Variants in TMPRSS9 observed in about 807,000 individuals in gnomAD.
TMPRSS9 encodes transmembrane serine protease 9.
Under a neutral mutation model 111.4 loss-of-function variants are expected in TMPRSS9, and 113 were observed. The ratio of observed to expected loss-of-function variants is 1.01; its 90% CI spans 0.87 to 1.19. The LOEUF (loss-of-function observed/expected upper bound fraction) is 1.19, where lower values mean the gene tolerates loss of function less well. Ranked by LOEUF, TMPRSS9 falls within the 50% of genes most tolerant of loss-of-function variation. The pLI is 0.00. For synonymous variants in TMPRSS9, 805 were observed against 659.1 expected (o/e 1.22, Z -3.39); for missense variants, 1,803 against 1,513.1 (o/e 1.19, Z -3.18).
At chr19:2,393,716 G>A (rs1970647431) in intron 1 of TMPRSS9, among the ~76,000 whole-genome samples, 1 of 150,336 alleles carries the variant, frequency 6.7e-6, no homozygotes, top group African/African-American at 2.5e-5. Flanking sequence ...TGGCCAACAT[G>A]GGTGAAACCC....
intron 8 of TMPRSS9, among the ~76,000 whole-genome samples, chr19:2,408,983 C>T (rs1260814066): frequency 2.3e-5 from 2 of 85,422 alleles, no homozygotes; most frequent in Non-Finnish European, 4.8e-5. Context: ...TGGGAGGCTC[C>T]ATCTCAAAAT....
chr19:2,360,441 G>A (rs1211190349), intron 1 of TMPRSS9, among the ~76,000 whole-genome samples, 81 bp downstream of exon 1: 1 of 152,236 alleles, frequency 6.6e-6, no homozygotes, highest in Non-Finnish European at 1.5e-5. Context: ...AAGCCCCGGG[G>A]CTGTTTGGTT....
At chr19:2,393,769 G>A (rs999646587) in intron 1 of TMPRSS9, among the ~76,000 whole-genome samples, 1 of 151,248 alleles carries the variant, frequency 6.6e-6, no homozygotes, top group Non-Finnish European at 1.5e-5. Flanking sequence ...AGACTGGTAC[G>A]CGCCTGTAAT....
At chr19:2,369,678 A>G (rs555871383) in intron 1 of TMPRSS9, among the ~76,000 whole-genome samples, 1 of 146,328 alleles carries the variant, frequency 6.8e-6, no homozygotes, top group East Asian at 2.0e-4. Context: ...GGCTCAAGCG[A>G]TCCTCCTGCC....
chr19:2,395,876 T>C (rs6510665), intron 1 of TMPRSS9, among the ~76,000 whole-genome samples: 61,731 of 151,666 alleles, frequency 0.41, 14,235 homozygotes, highest in East Asian at 0.65. Flanking sequence ...CGCGTGGTCG[T>C]GGGTGCCTGT....
chr19:2,410,292 G>A (rs754224172), exon 9 of TMPRSS9: 3 of 1,614,034 alleles, frequency 1.9e-6, no homozygotes, highest in Non-Finnish European at 2.5e-6. Flanking sequence ...AAGCCACTGT[G>A]GAGCTGCTGG....
At chr19:2,410,692 C>T (rs1971077091) in intron 9 of TMPRSS9, among the ~76,000 whole-genome samples, 1 of 152,082 alleles carries the variant, frequency 6.6e-6, no homozygotes, top group Non-Finnish European at 1.5e-5. Flanking sequence ...CTGCTCCCTT[C>T]CAGTGGGCCC....
chr19:2,424,312 C>G, intron 15 of TMPRSS9, 55 bp downstream of exon 16: 11 of 1,291,714 alleles, frequency 8.5e-6, no homozygotes, highest in South Asian at 3.0e-5. Flanking sequence ...CACCCGGAAC[C>G]GAACTGTTGC....
chr19:2,392,969 G>A (rs1198678389), intron 1 of TMPRSS9, among the ~76,000 whole-genome samples: 3 of 152,174 alleles, frequency 2.0e-5, no homozygotes, highest in Non-Finnish European at 2.9e-5. Context: ...ATTTGTAAAT[G>A]CACCAATCAG....
chr19:2,373,014 G>A (rs2145249026), intron 1 of TMPRSS9, among the ~76,000 whole-genome samples: 1 of 151,740 alleles, frequency 6.6e-6, no homozygotes, highest in South Asian at 2.1e-4. Context: ...TTTATTTTTT[G>A]TGGAGATGGG....
chr19:2,424,339 AC>A, intron 15 of TMPRSS9, 82 bp downstream of exon 16: 1 of 1,249,596 alleles, frequency 8.0e-7, no homozygotes. Context: ...ACGCACCCTG[AC>A]CCCCTCCTTT....
At chr19:2,421,182 G>C (rs924532452) in intron 13 of TMPRSS9, among the ~76,000 whole-genome samples, 17 of 152,014 alleles carry the variant, frequency 1.1e-4, no homozygotes, top group African/African-American at 3.9e-4. Flanking sequence ...CTCTGGCCTG[G>C]GCAACAAGAG....
chr19:2,408,672 G>A (rs766333611), intron 8 of TMPRSS9, 42 bp downstream of exon 9: 82 of 1,584,722 alleles, frequency 5.2e-5, no homozygotes, highest in Non-Finnish European at 6.8e-5. Context: ...CAGGCAGGCA[G>A]GCGGGCAAAT....
chr19:2,369,677 G>A (rs1217684550), intron 1 of TMPRSS9, among the ~76,000 whole-genome samples: 2 of 148,254 alleles, frequency 1.3e-5, no homozygotes, highest in South Asian at 2.1e-4. Flanking sequence ...GGGCTCAAGC[G>A]ATCCTCCTGC....
intron 1 of TMPRSS9, among the ~76,000 whole-genome samples, chr19:2,393,189 T>C (rs924298231): frequency 4.6e-5 from 7 of 152,158 alleles, no homozygotes; most frequent in Non-Finnish European, 8.8e-5. Flanking sequence ...GTAGAGGATT[T>C]GTTTTTTAAT....
intron 4 of TMPRSS9, among the ~76,000 whole-genome samples, chr19:2,401,570 A>C (rs146918247): frequency 6.6e-6 from 1 of 151,406 alleles, no homozygotes; most frequent in East Asian, 1.9e-4. Context: ...TGCTCACTTT[A>C]CTCCATGACC....
intron 1 of TMPRSS9, among the ~76,000 whole-genome samples, chr19:2,369,644 G>C (rs570051891): frequency 8.3e-5 from 11 of 131,802 alleles, no homozygotes; most frequent in African/African-American, 3.2e-4. Context: ...TCATTATGTT[G>C]CCTACACTGA....
chr19:2,425,525 C>T (rs753343438), intron 17 of TMPRSS9, 32 bp downstream of exon 18: 17 of 1,507,288 alleles, frequency 1.1e-5, no homozygotes, highest in Non-Finnish European at 1.4e-5. Context: ...GGGACCAGGT[C>T]CCGCCCAGCC....
intron 2 of TMPRSS9, 28 bp downstream of exon 3, chr19:2,396,694 G>C: frequency 6.3e-7 from 1 of 1,587,352 alleles, no homozygotes; most frequent in East Asian, 2.3e-5. Flanking sequence ...TTGGGGGCCA[G>C]GGAGGAAGAG....
Sources: allele counts gnomAD v4.1 joint callset (sites outside exome capture counted in the v4.1 genomes callset), GRCh38; gene constraint gnomAD v4.1.1; transcripts MANE v1.5; gene names NCBI Gene and HGNC (gene_info 2026-07-23, HGNC 2026-07-21).